Variants in CLCN6 observed in about 807,000 individuals in gnomAD.
CLCN6 encodes the protein H(+)/Cl(-) exchange transporter 6.
Under a neutral mutation model 109.8 loss-of-function variants are expected in CLCN6, and 70 were observed. That is an observed-to-expected ratio of 0.64 (90% CI 0.53 to 0.78). CLCN6 has a LOEUF of 0.78. Among genes scored for constraint, CLCN6 ranks in the 30% least tolerant of loss-of-function variants. The probability of loss-of-function intolerance (pLI) is 0.00; values close to 1 mark genes in which losing one functional copy is unlikely to be tolerated. For missense variants in CLCN6, 984 were observed against 1,142.3 expected, an observed-to-expected ratio of 0.86 and a Z score of 2.00; for synonymous variants, 444 against 447.8, an observed-to-expected ratio of 0.99 and a Z score of 0.11.
chr1:11,827,207 C>A lies in CLCN6; in HGVS notation c.826C>A (p.Leu276Ile). ...EEGSSFWNQG[L>I]TWKVLFCSMS... Reference sequence around the variant, plus strand: ...GGGTTCGTCCTTCTGGAACCAAGGGCTCACGTGGAAAGTGGTGAGGAGGAC... The same window carrying A: ...GGGTTCGTCCTTCTGGAACCAAGGGATCACGTGGAAAGTGGTGAGGAGGAC... The change falls in exon 10 of 23, where the codon CTC becomes ATC. Residue 276 changes from leucine (L) to isoleucine (I), a missense_variant. Coordinates refer to ENST00000346436, the MANE Select transcript of CLCN6 (RefSeq NM_001286.5). 1 of 1,612,294 alleles carries A rather than the reference C, an allele frequency of 6.2e-7. No homozygotes were observed. The highest frequency in any genetic ancestry group is 1.3e-5 in the African/African-American group (1 of 74,874).
chr1:11,823,901 T>A, intron 7 of CLCN6, 68 bp downstream of exon 7: 1 of 1,592,992 alleles, frequency 6.3e-7, no homozygotes, highest in Non-Finnish European at 8.6e-7. Flanking sequence ...CATGATGTAT[T>A]TCAGTTATTA....
intron 6 of CLCN6, among the ~76,000 whole-genome samples, 165 bp from the exon 7 acceptor site, chr1:11,823,542 C>T (rs1644772839): frequency 6.6e-6 from 1 of 152,192 alleles, no homozygotes; most frequent in Non-Finnish European, 1.5e-5. Flanking sequence ...GAGTCAGATC[C>T]TCTGGAGTGG....
In CLCN6 at chr1:11,822,801, G is replaced by A; in HGVS notation, c.453G>A (p.Glu151=). The A allele has an allele frequency of 6.2e-7, 1 of 1,607,928 alleles. No individual in the cohort carries two copies. The highest frequency in any genetic ancestry group is 8.5e-7 in the Non-Finnish European group (1 of 1,174,362). ...TGGCAAGCCTCCTTGTTCTCATTGA[G>A]GTGAGGTGGTTTGGATTCACCTGCT... ...VFLASLLVLI[E]PVAAGSGIPE... is the part of the protein sequence containing the mutation. The change falls in exon 6 of 23, where the codon GAG becomes GAA. Residue 151 remains glutamate (E), a splice_region_variant and synonymous_variant. Transcript: ENST00000346436.
At chr1:11,835,323 A>G (rs1048131638) in intron 17 of CLCN6, among the ~76,000 whole-genome samples, 2 of 152,162 alleles carry the variant, frequency 1.3e-5, no homozygotes, top group Admixed American at 1.3e-4. Flanking sequence ...CCTAGGCTGG[A>G]GTAGGGTGGC....
intron 2 of CLCN6, among the ~76,000 whole-genome samples, chr1:11,812,662 GTT>G (rs1491329189): frequency 3.0e-4 from 35 of 115,546 alleles, no homozygotes; most frequent in South Asian, 5.9e-4. Context: ...GACAAAGTAT[GTT>G]TGTGTGTGTG....
At chr1:11,811,032 G>A (rs1644591748) in intron 2 of CLCN6, among the ~76,000 whole-genome samples, 1 of 152,060 alleles carries the variant, frequency 6.6e-6, no homozygotes, top group South Asian at 2.1e-4. Context: ...GCAACATGGC[G>A]AGACTCCATC....
rs1318771206 is a variant in CLCN6 at position 11,829,375 on chromosome 1, A to T, written c.1248+53A>T. 7 of 1,607,014 alleles carry T rather than the reference A, an allele frequency of 4.4e-6. No individual in the cohort carries two copies. In the East Asian group the frequency reaches 1.6e-4, roughly 36 times the overall value. On this transcript the variant is annotated intron_variant, in intron 13 of 22. Coordinates refer to ENST00000346436, the MANE Select transcript of CLCN6 (RefSeq NM_001286.5). ...TCCCATACCACGAGGAAGAATCCAG[A>T]AATGTATGACCTTCCTCTGTTGAGA...
rs371058274 is a variant in CLCN6 at position 11,837,399 on chromosome 1, T to C, written c.2195T>C (p.Met732Thr). 6 of 1,614,030 alleles carry C rather than the reference T, an allele frequency of 3.7e-6. No homozygotes were observed. The African/African-American group carries it at 6.7e-5, about 18-fold the overall frequency. Residue 732 changes from methionine (M) to threonine (T), a missense_variant, in exon 20 of 23, where the codon ATG becomes ACG. Coordinates refer to ENST00000346436, the MANE Select transcript of CLCN6 (RefSeq NM_001286.5). ...PDQSPSEDWT[M>T]EERFRPLTFH... ...CAGTCCCCAAGTGAAGACTGGACCA[T>C]GGAGGAGCGGTTCCGCCCTCTGACC...
In CLCN6 at chr1:11,826,334, A is replaced by G. The variant is rs762907777; in HGVS notation, c.707+120A>G. ...CCTGCGGGGAAACCCGACTGGGAGA[A>G]GGGGGCGGGCTTTGAACTTTTCTTC... On this transcript the variant is annotated intron_variant, in intron 9 of 22. Coordinates refer to ENST00000346436, the MANE Select transcript of CLCN6 (RefSeq NM_001286.5). The G allele has an allele frequency of 1.1e-3, 843 of 796,204 alleles. 1 individual carries two copies. The highest frequency in any genetic ancestry group is 1.3e-3 in the Non-Finnish European group (611 of 470,062). 49.3% of individuals were successfully genotyped at this position (796,204 alleles called of 1,614,324 possible). A position where few individuals can be genotyped will look rare whatever the true frequency, so the allele number is the denominator to read the frequency against.
chr1:11,808,047 A>T (rs1438287824), intron 2 of CLCN6, among the ~76,000 whole-genome samples: 2 of 152,078 alleles, frequency 1.3e-5, no homozygotes, highest in Non-Finnish European at 1.5e-5. Flanking sequence ...TTTTTTGTTT[A>T]ACTTTTATTA....
chr1:11,825,605 C>G (rs1644801685), intron 8 of CLCN6, among the ~76,000 whole-genome samples: 1 of 152,130 alleles, frequency 6.6e-6, no homozygotes, highest in Admixed American at 6.5e-5. Context: ...GGGGGGTAAT[C>G]TCCTTTTTTC....
intron 5 of CLCN6, chr1:11,820,516 C>T (rs968498676): frequency 2.2e-5 from 13 of 582,908 alleles, no homozygotes; most frequent in East Asian, 2.9e-5. Flanking sequence ...CCTGTAATCC[C>T]AGCATTTTGG....
chr1:11,814,546 C>A (rs1644643822), intron 2 of CLCN6, among the ~76,000 whole-genome samples: 2 of 152,120 alleles, frequency 1.3e-5, no homozygotes, highest in Non-Finnish European at 2.9e-5. Context: ...CTGCACCCAG[C>A]CCAGACTGCT....
In CLCN6 at chr1:11,822,853, C is replaced by T. The variant is rs148738390; in HGVS notation, c.453+52C>T. 2.7e-5 allele frequency: 30 copies of T among 1,113,740 alleles called. No homozygotes were observed. In the African/African-American group the frequency reaches 4.4e-4, roughly 16 times the overall value. 69.0% of individuals were successfully genotyped at this position (1,113,740 alleles called of 1,614,324 possible). On this transcript the variant is annotated intron_variant, in intron 6 of 22. Transcript: ENST00000346436. ...GCTTAGGAGGTTTTAGAGTCCCGCACTCCTTTTCCCCACCTCCTTCCAGAA... is the reference window on the plus strand; with the variant it reads ...GCTTAGGAGGTTTTAGAGTCCCGCATTCCTTTTCCCCACCTCCTTCCAGAA...
intron 3 of CLCN6, 78 bp downstream of exon 3, chr1:11,815,989 G>A: frequency 1.9e-6 from 2 of 1,060,632 alleles, no homozygotes; most frequent in African/African-American, 1.6e-5. Context: ...AAAGGCCCCA[G>A]TAAACATCTT....
chr1:11,839,242 T>G (rs1185688791), intron 22 of CLCN6, among the ~76,000 whole-genome samples: 2 of 152,168 alleles, frequency 1.3e-5, no homozygotes, highest in East Asian at 3.9e-4. Flanking sequence ...AAGGCCACCC[T>G]CTCAGTCTTT....
chr1:11,814,038 A>T (rs1164444402), intron 2 of CLCN6, among the ~76,000 whole-genome samples: 1 of 152,124 alleles, frequency 6.6e-6, no homozygotes, highest in Non-Finnish European at 1.5e-5. Context: ...GTACTCCAGG[A>T]CTCATAAAAA....
At chr1:11,816,375 T>C (rs1452373190) in intron 3 of CLCN6, among the ~76,000 whole-genome samples, 1 of 152,244 alleles carries the variant, frequency 6.6e-6, no homozygotes, top group African/African-American at 2.4e-5. Flanking sequence ...TAGGCCTATG[T>C]TGGCATTTAT....
At chr1:11,828,254 T>C (rs1364357594) in intron 11 of CLCN6, 35 bp downstream of exon 11, 1 of 1,581,184 alleles carries the variant, frequency 6.3e-7, no homozygotes, top group South Asian at 1.1e-5. Context: ...ATTTTTAATT[T>C]GACCCATGAA....
Sources: gnomAD v4.1 joint callset for allele counts (sites outside exome capture counted in the v4.1 genomes callset) on GRCh38, gnomAD v4.1.1 for gene constraint, MANE v1.5 for transcripts, NCBI Gene and HGNC (gene_info 2026-07-23, HGNC 2026-07-21) for gene names.